URGCP: variants seen among roughly 807,000 people sequenced by gnomAD.
URGCP encodes the protein upregulator of cell proliferation.
In URGCP, 13 loss-of-function variants were observed where a neutral mutation model predicts 24.6. The observed-to-expected ratio is 0.53, with a 90% CI of 0.34 to 0.84. The LOEUF (loss-of-function observed/expected upper bound fraction) is 0.84, where lower values mean the gene tolerates loss of function less well. Among genes scored for constraint, URGCP ranks in the 40% least tolerant of loss-of-function variants. The pLI, the probability that URGCP is intolerant of heterozygous loss-of-function variation, is 0.01. For synonymous variants in URGCP, 444 were observed against 487.2 expected (o/e 0.91, Z 1.17); for missense variants, 899 against 1,194.3 (o/e 0.75, Z 3.64).
intron 1 of URGCP, among the ~76,000 whole-genome samples, chr7:43,893,193 G>T (rs990254799): frequency 2.0e-5 from 3 of 152,144 alleles, no homozygotes; most frequent in African/African-American, 7.2e-5. Context: ...AAAGCCAGGT[G>T]TGGTGGCAGG....
At position 43,877,372 on chromosome 7, in the gene URGCP, G is replaced by A. The variant is rs139542155; in HGVS notation, c.2091C>T (p.Thr697=). The change falls in exon 6 of 6, where the codon ACC becomes ACT. Residue 697 remains threonine, a synonymous_variant. Transcript: ENST00000453200. Reference sequence around the variant, plus strand: ...ACTTGCCCGTGCCTGGCACCCCGACGGTTGACAGAACCACCAGCCTTGACC... The same window carrying A: ...ACTTGCCCGTGCCTGGCACCCCGACAGTTGACAGAACCACCAGCCTTGACC... ...ERRSRLVVLS[T]VGVPGTGKST... The A allele has an allele frequency of 1.3e-5, 21 of 1,612,810 alleles. No individual in the cohort carries two copies. The highest frequency in any genetic ancestry group is 3.3e-5 in the South Asian group (3 of 91,084).
chr7:43,913,182 A>G (rs1221822683), intron 1 of URGCP, among the ~76,000 whole-genome samples: 2 of 151,832 alleles, frequency 1.3e-5, no homozygotes, highest in Non-Finnish European at 2.9e-5. Context: ...AATTTGCCAG[A>G]TATAAGATTC....
At chr7:43,897,149 G>A (rs1006954880) in intron 1 of URGCP, among the ~76,000 whole-genome samples, 2 of 152,106 alleles carry the variant, frequency 1.3e-5, no homozygotes, top group African/African-American at 4.8e-5. Context: ...GCTGCAGTGA[G>A]CCGTGATCCT....
chr7:43,918,588 T>C, intron 1 of URGCP: 1 of 450,068 alleles, frequency 2.2e-6, no homozygotes, highest in Middle Eastern at 6.4e-4. Flanking sequence ...GACCCCAAAA[T>C]AGGATTTTCT....
At position 43,919,395 on chromosome 7, in the gene URGCP, TCCA is replaced by T. The variant is rs2095919421; in HGVS notation, c.-116+6734_-116+6736del. ...CTTCTCTCAGACCAACCAGCTGGTG[TCCA>T]CCATCATCTCGGCCAGCACCATCAC... On this transcript the variant is annotated intron_variant, in intron 1 of 5. Transcript: ENST00000426198. The T allele has an allele frequency of 5.8e-6, 5 of 864,742 alleles. No individual in the cohort carries two copies. The South Asian group carries it at 6.6e-5, about 11-fold the overall frequency. 53.6% of individuals were successfully genotyped at this position (864,742 alleles called of 1,614,324 possible).
chr7:43,913,320 T>C (rs1164032375), intron 1 of URGCP, among the ~76,000 whole-genome samples: 1 of 151,946 alleles, frequency 6.6e-6, no homozygotes, highest in South Asian at 2.1e-4. Flanking sequence ...ACCATTCTCC[T>C]GCCTCAGCCT....
chr7:43,921,863 T>A (rs927333084), intron 1 of URGCP, among the ~76,000 whole-genome samples: 19 of 152,150 alleles, frequency 1.2e-4, no homozygotes, highest in African/African-American at 4.3e-4. Flanking sequence ...TGTAAATAAT[T>A]GAGCATTGAA....
intron 1 of URGCP, among the ~76,000 whole-genome samples, chr7:43,898,934 G>A (rs1196814166): frequency 1.3e-5 from 2 of 149,492 alleles, no homozygotes; most frequent in African/African-American, 2.4e-5. Context: ...TCAGGAGTTC[G>A]AGACTAGCCT....
In URGCP at chr7:43,878,291, C is replaced by A. The variant is rs1449282721; in HGVS notation, c.1172G>T (p.Arg391Leu). ...TKYYFILSPY[R>L]GKRNTNLRFL... ...TCTCAGGTTTGTGTTGCGCTTCCCA[C>A]GGTAGGGACTCAGGATGAAGTAGTA... The change falls in exon 6 of 6, where the codon CGT (arginine) becomes CTT (leucine). Residue 391 changes from arginine (R) to leucine (L), a missense_variant. Transcript: ENST00000453200. This position sits in a 1 kb window ranked among gnomAD's most constrained non-coding sequence, Gnocchi z 5.6. 6.2e-7 allele frequency: 1 copy of A among 1,614,192 alleles called. No individual in the cohort carries two copies. The highest frequency in any genetic ancestry group is 1.7e-5 in the Admixed American group (1 of 60,016).
At chr7:43,883,337 CATATATAT>C (rs1215710880) in intron 3 of URGCP, among the ~76,000 whole-genome samples, 1 of 105,452 alleles carries the variant, frequency 9.5e-6, no homozygotes, top group Non-Finnish European at 1.8e-5. Context: ...TATATATATA[CATATATAT>C]ATATATATAT....
intron 3 of URGCP, 198 bp from the exon 4 acceptor site, chr7:43,882,155 T>G (rs1242549358): frequency 6.1e-6 from 5 of 813,388 alleles, no homozygotes; most frequent in Admixed American, 3.6e-5. Flanking sequence ...TTTAAAAAAT[T>G]AGGCCAGGCA....
intron 2 of URGCP, 49 bp downstream of exon 2, chr7:43,887,741 G>A (rs984220962): frequency 1.3e-6 from 2 of 1,542,980 alleles, no homozygotes; most frequent in East Asian, 2.4e-5. Context: ...CAAAACTGCT[G>A]GCCAGAGCAC....
chr7:43,917,367 T>C (rs575648970), intron 1 of URGCP, among the ~76,000 whole-genome samples: 57 of 152,296 alleles, frequency 3.7e-4, no homozygotes, highest in South Asian at 3.7e-3. Flanking sequence ...TACCTTGGGA[T>C]GGGATGTGGG....
rs1248997449 is a variant in URGCP, at chr7:43,879,000, T to A, written c.463A>T (p.Ile155Phe). 2 of 1,614,038 alleles carry A rather than the reference T, an allele frequency of 1.2e-6. No homozygotes were observed. The highest frequency in any genetic ancestry group is 2.2e-5 in the East Asian group (1 of 44,900). The change falls in exon 6 of 6, where the codon ATC becomes TTC. Residue 155 changes from isoleucine to phenylalanine, a missense_variant. Coordinates refer to ENST00000453200, the MANE Select transcript of URGCP (RefSeq NM_001077663.3). The surrounding 1 kb of genome is among the most constrained non-coding windows in gnomAD (Gnocchi z 5.6). ...TCATCAGCTGGGTCCCAGTAGATGA[T>A]CTCCTCTTCCATCTGGCTCTCCTTC... is the stretch of plus-strand genomic sequence containing the variant. ...VEKESQMEEE[I>F]IYWDPADDLA...
At chr7:43,921,477 G>T (rs2095922398) in intron 1 of URGCP, among the ~76,000 whole-genome samples, 1 of 152,208 alleles carries the variant, frequency 6.6e-6, no homozygotes, top group African/African-American at 2.4e-5. Flanking sequence ...CAGTCTTAAA[G>T]ATTACTGGTA....
chr7:43,879,318 G>C (rs1013718509), intron 5 of URGCP, 58 bp from the exon 6 acceptor site: 168 of 1,528,402 alleles, frequency 1.1e-4, no homozygotes, highest in Non-Finnish European at 1.4e-4. Context: ...TAGGGGCCAG[G>C]GAAGAGCTGG....
chr7:43,886,645 T>C (rs1300779304), intron 3 of URGCP, among the ~76,000 whole-genome samples: 1 of 152,046 alleles, frequency 6.6e-6, no homozygotes, highest in African/African-American at 2.4e-5. Flanking sequence ...CTCAGCTACT[T>C]GGGAGGCTGA....
intron 1 of URGCP, among the ~76,000 whole-genome samples, chr7:43,901,544 T>A (rs548441583): frequency 3.9e-5 from 6 of 152,376 alleles, no homozygotes; most frequent in African/African-American, 1.4e-4. Flanking sequence ...GCTAGGTCCC[T>A]TCTGCAGAAG....
At chr7:43,915,164 T>A (rs912222925) in intron 1 of URGCP, among the ~76,000 whole-genome samples, 1 of 152,186 alleles carries the variant, frequency 6.6e-6, no homozygotes, top group Admixed American at 6.5e-5. Flanking sequence ...TCTGCTCTCC[T>A]CACCTTTCAC....
Sources: allele counts gnomAD v4.1 joint callset (sites outside exome capture counted in the v4.1 genomes callset), GRCh38; gene constraint gnomAD v4.1.1; non-coding constraint Gnocchi (gnomAD v3.1); transcripts MANE v1.5; gene names NCBI Gene and HGNC (gene_info 2026-07-23, HGNC 2026-07-21).